Variants in LRRN2 observed in about 807,000 individuals in gnomAD.
LRRN2 encodes the protein leucine rich repeat neuronal 2.
Under a neutral mutation model 35.7 loss-of-function variants are expected in LRRN2, and 10 were observed. That is an observed-to-expected ratio of 0.28 (90% CI 0.17 to 0.47). LRRN2 has a LOEUF of 0.47. Ranked by LOEUF, LRRN2 falls within the 20% of genes least tolerant of loss-of-function variation. LRRN2 has a pLI of 0.99. For synonymous variants in LRRN2, 391 were observed against 409.6 expected (o/e 0.95, Z 0.55); for missense variants, 731 against 940.3 (o/e 0.78, Z 2.91).
intron 1 of LRRN2, among the ~76,000 whole-genome samples, chr1:204,657,667 TGTACA>T (rs1668389283): frequency 6.6e-6 from 1 of 152,174 alleles, no homozygotes; most frequent in Non-Finnish European, 1.5e-5. Context: ...TGGCAATGGA[TGTACA>T]ACCTTGTGAA....
At chr1:204,679,527 C>G (rs1668893875) in intron 1 of LRRN2, among the ~76,000 whole-genome samples, 1 of 152,190 alleles carries the variant, frequency 6.6e-6, no homozygotes, top group Admixed American at 6.5e-5. Flanking sequence ...TGCCCTGCCC[C>G]CTTCTTCCAT....
rs368211494 is a variant in LRRN2, at chr1:204,668,465, C to T, written c.-227+16855G>A. Among the ~76,000 whole-genome samples the T allele has an allele frequency of 3.3e-5, 5 of 152,126 alleles. No individual in the cohort carries two copies. In the East Asian group the frequency reaches 5.8e-4, roughly 18 times the overall value. ...CAAAGATTAGCCGGGTGTGGTGGTGCGTGCCTGTGGACCCAGCTACTTGGG... is the reference window on the plus strand; with the variant it reads ...CAAAGATTAGCCGGGTGTGGTGGTGTGTGCCTGTGGACCCAGCTACTTGGG... On this transcript the variant is annotated intron_variant, in intron 1 of 1. Transcript: ENST00000367177.
chr1:204,660,346 T>A (rs1166371297), intron 1 of LRRN2, among the ~76,000 whole-genome samples: 1 of 152,216 alleles, frequency 6.6e-6, no homozygotes, highest in Admixed American at 6.5e-5. Context: ...TCACTTTCTT[T>A]CTTTTCCTCC....
intron 1 of LRRN2, among the ~76,000 whole-genome samples, chr1:204,666,962 C>CAAAAAAA (rs34503593): frequency 1.5e-5 from 1 of 64,834 alleles, no homozygotes; most frequent in Admixed American, 2.2e-4. Flanking sequence ...ACTCTGTCTC[C>CAAAAAAA]AAAAAAAAAA....
chr1:204,666,844 C>A (rs558269291), intron 1 of LRRN2, among the ~76,000 whole-genome samples: 2 of 151,894 alleles, frequency 1.3e-5, no homozygotes, highest in East Asian at 3.9e-4. Flanking sequence ...CACCTGTAAT[C>A]CCAGCTACTC....
intron 1 of LRRN2, among the ~76,000 whole-genome samples, chr1:204,682,446 G>A (rs1668976344): frequency 6.6e-6 from 1 of 152,204 alleles, no homozygotes; most frequent in African/African-American, 2.4e-5. Context: ...CAAGTTACCA[G>A]ATGTCACAGA....
chr1:204,625,220 C>T (rs930970989), intron 1 of LRRN2, among the ~76,000 whole-genome samples: 2 of 152,194 alleles, frequency 1.3e-5, no homozygotes, highest in Non-Finnish European at 2.9e-5. Context: ...AGCCCCAAAT[C>T]CCTGAGCTGG....
chr1:204,625,289 G>T (rs901371370), intron 1 of LRRN2, among the ~76,000 whole-genome samples: 1 of 152,182 alleles, frequency 6.6e-6, no homozygotes, highest in Non-Finnish European at 1.5e-5. Context: ...GGGATGGAAG[G>T]TACATGAAGT....
At chr1:204,625,211 G>A (rs1240392828) in intron 1 of LRRN2, among the ~76,000 whole-genome samples, 3 of 152,214 alleles carry the variant, frequency 2.0e-5, no homozygotes, top group Non-Finnish European at 4.4e-5. Flanking sequence ...AACCTTTCGA[G>A]CCCCAAATCC....
At chr1:204,653,164 A>G (rs1668271415) in intron 1 of LRRN2, among the ~76,000 whole-genome samples, 1 of 152,192 alleles carries the variant, frequency 6.6e-6, no homozygotes, top group African/African-American at 2.4e-5. Context: ...AAAAACCACA[A>G]TTACTTTTGC....
chr1:204,635,385 C>T (rs1571647523), intron 1 of LRRN2, among the ~76,000 whole-genome samples: 1 of 152,268 alleles, frequency 6.6e-6, no homozygotes, highest in East Asian at 1.9e-4. Context: ...CCTTAAACCT[C>T]TCTCCGCAGC....
intron 1 of LRRN2, among the ~76,000 whole-genome samples, chr1:204,653,861 C>CAAA (rs35513876): frequency 2.5e-5 from 3 of 122,176 alleles, no homozygotes; most frequent in African/African-American, 3.3e-5. Flanking sequence ...GACCCCATCT[C>CAAA]AAAAAAAAAA....
chr1:204,636,241 G>A (rs114348418), intron 1 of LRRN2, among the ~76,000 whole-genome samples: 1 of 152,256 alleles, frequency 6.6e-6, no homozygotes, highest in African/African-American at 2.4e-5. Flanking sequence ...AACAGACGCG[G>A]CTTCTGTAAT....
intron 1 of LRRN2, among the ~76,000 whole-genome samples, chr1:204,637,342 C>A (rs1667859791): frequency 6.6e-6 from 1 of 152,222 alleles, no homozygotes; most frequent in Admixed American, 6.5e-5. Context: ...CAATGCTTCC[C>A]AGCCCTTCTC....
chr1:204,619,069 G>A lies in LRRN2; in HGVS notation c.924C>T (p.Asn308=), dbSNP rs1666635672. 1.9e-6 allele frequency: 3 copies of A among 1,606,690 alleles called. No homozygotes were observed. The highest frequency in any genetic ancestry group is 1.3e-5 in the African/African-American group (1 of 74,860). Residue 308 remains asparagine (N), a synonymous_variant, in exon 2 of 2, where the codon AAC becomes AAT. Coordinates refer to ENST00000367177, the MANE Select transcript of LRRN2 (RefSeq NM_201630.2). ...LVSIDKFALV[N]LPELTKLDIT... ...TGTCCAGCTTGGTCAGCTCGGGGAG[G>A]TTCACCAGGGCAAACTTGTCGATGG...
chr1:204,622,961 C>G (rs1361844475), intron 1 of LRRN2, among the ~76,000 whole-genome samples: 1 of 152,200 alleles, frequency 6.6e-6, no homozygotes, highest in Non-Finnish European at 1.5e-5. Context: ...AATGTTAGCT[C>G]TCTTCCAGCT....
chr1:204,648,835 C>G (rs1178318805), intron 1 of LRRN2, among the ~76,000 whole-genome samples: 3 of 152,216 alleles, frequency 2.0e-5, no homozygotes, highest in African/African-American at 7.2e-5. Context: ...ACCTTCCCCA[C>G]TTTACAGCTA....
chr1:204,623,723 C>T (rs1235908404), intron 1 of LRRN2, among the ~76,000 whole-genome samples: 1 of 152,230 alleles, frequency 6.6e-6, no homozygotes, highest in African/African-American at 2.4e-5. Context: ...GGAGTTCAGA[C>T]TGTCACGTGT....
At chr1:204,659,609 GGTGTGTGTGTGT>G (rs113175099) in intron 1 of LRRN2, among the ~76,000 whole-genome samples, 3 of 148,168 alleles carry the variant, frequency 2.0e-5, no homozygotes, top group East Asian at 2.0e-4. Context: ...TCTACCTTCA[GGTGTGTGTGTGT>G]GTGTGTGTGT....
Sources: allele counts gnomAD v4.1 joint callset (sites outside exome capture counted in the v4.1 genomes callset), GRCh38; gene constraint gnomAD v4.1.1; transcripts MANE v1.5; gene names NCBI Gene and HGNC (gene_info 2026-07-23, HGNC 2026-07-21).